AFF3: variants seen among roughly 807,000 people sequenced by gnomAD.
AFF3 encodes the protein AF4/FMR2 family member 3.
Under a neutral mutation model 129.7 loss-of-function variants are expected in AFF3, and 32 were observed. That is an observed-to-expected ratio of 0.25 (90% CI 0.19 to 0.33). The LOEUF (loss-of-function observed/expected upper bound fraction) is 0.33. Ranked by LOEUF, AFF3 falls within the 10% of genes least tolerant of loss-of-function variation. The pLI is 1.00. For missense variants in AFF3, 1,373 were observed against 1,592.0 expected (o/e 0.86, Z 2.34); for synonymous variants, 644 against 635.4 (o/e 1.01, Z -0.20).
At chr2:99,745,598 T>G (rs1198165148) in intron 9 of AFF3, among the ~76,000 whole-genome samples, 2 of 152,148 alleles carry the variant, frequency 1.3e-5, no homozygotes, top group Non-Finnish European at 2.9e-5. Context: ...GAATGAACCT[T>G]TACTGCCACC....
chr2:99,945,810 T>C (rs564954598), intron 7 of AFF3, among the ~76,000 whole-genome samples: 1 of 152,200 alleles, frequency 6.6e-6, no homozygotes, highest in Non-Finnish European at 1.5e-5. Flanking sequence ...TTATGGAAGA[T>C]GCTTGGGGTT....
chr2:99,798,125 G>A lies in AFF3; in HGVS notation c.921+39352C>T, dbSNP rs1012509150. ...ACAACAATAGGAAAAAGGTGGCTGG[G>A]GAAGGAGTAATGAAGAATTGCAAGG... On this transcript the variant is annotated intron_variant, in intron 8 of 24. Coordinates refer to ENST00000672756, the MANE Select transcript of AFF3 (RefSeq NM_001386135.1). Among the ~76,000 whole-genome samples, 4 of 152,064 alleles carry A rather than the reference G, an allele frequency of 2.6e-5. No homozygotes were observed. In the South Asian group the frequency reaches 8.3e-4, roughly 32 times the overall value.
chr2:99,784,029 G>A (rs1684600635), intron 8 of AFF3, among the ~76,000 whole-genome samples: 1 of 152,210 alleles, frequency 6.6e-6, no homozygotes, highest in Non-Finnish European at 1.5e-5. Flanking sequence ...AAGTGTTTCT[G>A]AAAAGTATTC....
At chr2:99,592,683 C>T (rs1678804022) in intron 15 of AFF3, among the ~76,000 whole-genome samples, 1 of 152,168 alleles carries the variant, frequency 6.6e-6, no homozygotes, top group Non-Finnish European at 1.5e-5. Flanking sequence ...CCTGTAATCC[C>T]AGCACTTTGG....
At chr2:99,760,001 T>C (rs1202551711) in intron 8 of AFF3, among the ~76,000 whole-genome samples, 1 of 152,156 alleles carries the variant, frequency 6.6e-6, no homozygotes. Flanking sequence ...GATATAACTA[T>C]CCCATGGTTT....
At chr2:100,000,098 A>G (rs1400758185) in intron 7 of AFF3, among the ~76,000 whole-genome samples, 1 of 152,158 alleles carries the variant, frequency 6.6e-6, no homozygotes, top group Non-Finnish European at 1.5e-5. Context: ...TCATGTGGAG[A>G]TAAGTGATTC....
intron 2 of AFF3, among the ~76,000 whole-genome samples, chr2:100,125,816 G>T (rs1692160734): frequency 6.6e-6 from 1 of 152,074 alleles, no homozygotes; most frequent in Non-Finnish European, 1.5e-5. Context: ...GATCCAGCTG[G>T]CTGGAGCACA....
chr2:100,049,578 T>C (rs1332272410), intron 4 of AFF3, among the ~76,000 whole-genome samples: 7 of 152,208 alleles, frequency 4.6e-5, no homozygotes, highest in Non-Finnish European at 1.0e-4. Context: ...TAAAGTGTCC[T>C]GAGTTACACT....
At chr2:99,926,611 T>A (rs962765028) in intron 7 of AFF3, among the ~76,000 whole-genome samples, 1 of 152,196 alleles carries the variant, frequency 6.6e-6, no homozygotes, top group Non-Finnish European at 1.5e-5. Context: ...TTGTGATTTC[T>A]GCTTCATACT....
intron 8 of AFF3, among the ~76,000 whole-genome samples, chr2:99,780,167 T>C (rs2105374260): frequency 6.6e-6 from 1 of 152,254 alleles, no homozygotes; most frequent in African/African-American, 2.4e-5. Context: ...ACTATCCCAT[T>C]TCTCTGCTCC....
At chr2:99,751,638 C>T (rs558058993) in intron 9 of AFF3, among the ~76,000 whole-genome samples, 5 of 152,088 alleles carry the variant, frequency 3.3e-5, no homozygotes, top group Non-Finnish European at 7.4e-5. Context: ...ATAATTTGAT[C>T]CTTCATAATG....
intron 13 of AFF3, among the ~76,000 whole-genome samples, chr2:99,603,151 T>C (rs1679998122): frequency 6.6e-6 from 1 of 152,184 alleles, no homozygotes; most frequent in South Asian, 2.1e-4. Flanking sequence ...TAGAATTGAG[T>C]GAGGAATCCT....
chr2:100,092,835 A>G (rs903229861), intron 4 of AFF3, among the ~76,000 whole-genome samples: 20 of 151,406 alleles, frequency 1.3e-4, no homozygotes, highest in African/African-American at 1.9e-4. Flanking sequence ...TGAGTAGGGT[A>G]CCCCCGTACA....
chr2:99,676,707 A>G (rs1051871318), intron 11 of AFF3, among the ~76,000 whole-genome samples: 1 of 152,148 alleles, frequency 6.6e-6, no homozygotes, highest in African/African-American at 2.4e-5. Flanking sequence ...AAACAGGGCC[A>G]TTTGCTCTAT....
chr2:100,105,487 T>G lies in AFF3; in HGVS notation c.-65+17A>C, dbSNP rs1691219264. 20 of 1,327,456 alleles carry G rather than the reference T, an allele frequency of 1.5e-5. No individual in the cohort carries two copies. The highest frequency in any genetic ancestry group is 1.9e-5 in the Non-Finnish European group (19 of 1,002,722). The allele number at this position is 1,327,456 out of a possible 1,614,324, so 82.2% of individuals were successfully genotyped here. On this transcript the variant is annotated intron_variant, in intron 3 of 24. Coordinates refer to ENST00000672756, the MANE Select transcript of AFF3 (RefSeq NM_001386135.1). ...GGCCAGCCCTGGAAACCAACCTCCT[T>G]TCTTTTTATTTCTCACCGGGAAGGG...
chr2:99,663,738 A>G (rs908848279), intron 12 of AFF3, among the ~76,000 whole-genome samples: 2 of 152,230 alleles, frequency 1.3e-5, no homozygotes, highest in East Asian at 3.8e-4. Context: ...ATATGTTTGG[A>G]TAACGTAATT....
intron 7 of AFF3, among the ~76,000 whole-genome samples, chr2:99,845,103 C>T (rs576355101): frequency 2.0e-5 from 3 of 152,124 alleles, no homozygotes; most frequent in Admixed American, 2.0e-4. Flanking sequence ...ATTCTTAGAA[C>T]ATCAACATTT....
At chr2:100,063,143 C>T (rs1212017220) in intron 4 of AFF3, among the ~76,000 whole-genome samples, 3 of 148,422 alleles carry the variant, frequency 2.0e-5, no homozygotes, top group African/African-American at 7.5e-5. Flanking sequence ...CCCAGGTACT[C>T]GGGAGGCTGA....
intron 11 of AFF3, 141 bp downstream of exon 11, chr2:99,726,936 T>C (rs1387687347): frequency 1.3e-6 from 1 of 769,554 alleles, no homozygotes; most frequent in Non-Finnish European, 2.0e-6. Flanking sequence ...CCAAAGCATT[T>C]AGAAAGACAT....
Sources: allele counts gnomAD v4.1 joint callset (sites outside exome capture counted in the v4.1 genomes callset), GRCh38; gene constraint gnomAD v4.1.1; transcripts MANE v1.5; gene names NCBI Gene and HGNC (gene_info 2026-07-23, HGNC 2026-07-21).